ANO3: variants seen among roughly 807,000 people sequenced by gnomAD.
ANO3 encodes the protein anoctamin 3.
A neutral mutation model predicts 144.8 loss-of-function variants in ANO3; 99 were observed. The ratio of observed to expected loss-of-function variants is 0.68; its 90% CI spans 0.58 to 0.81. The LOEUF (loss-of-function observed/expected upper bound fraction) is 0.81, where lower values mean the gene tolerates loss of function less well. Among genes scored for constraint, ANO3 ranks in the 30% least tolerant of loss-of-function variants. The pLI is 0.00. For synonymous variants in ANO3, 414 were observed against 392.6 expected (o/e 1.05, Z -0.64); for missense variants, 905 against 1,202.2 (o/e 0.75, Z 3.66).
chr11:26,480,031 T>C (rs548235292), intron 4 of ANO3, among the ~76,000 whole-genome samples: 1 of 152,264 alleles, frequency 6.6e-6, no homozygotes, highest in East Asian at 1.9e-4. Context: ...GACTAGATTG[T>C]GCATGTGCAG....
intron 1 of ANO3, among the ~76,000 whole-genome samples, chr11:26,234,055 T>C (rs987358513): frequency 2.6e-5 from 4 of 152,176 alleles, no homozygotes; most frequent in African/African-American, 7.2e-5. Context: ...TGCATCTGTA[T>C]ACCTATGTAA....
chr11:26,624,527 T>C, intron 18 of ANO3, 29 bp downstream of exon 18: 1 of 1,552,810 alleles, frequency 6.4e-7, no homozygotes, highest in South Asian at 1.1e-5. Flanking sequence ...CTTCACTCCT[T>C]AGTCAGAAAA....
chr11:26,647,741 A>G lies in ANO3; in HGVS notation c.2461A>G (p.Ile821Val), dbSNP rs1204042819. 19 of 1,612,344 alleles carry G rather than the reference A, an allele frequency of 1.2e-5. No individual in the cohort carries two copies. Among genetic ancestry groups the G allele is most frequent in the Non-Finnish European group, 1.6e-5 (19 of 1,179,024 alleles). ...GCTTGGAATTCTCGAAGGAATCGGT[A>G]TATTGGCTGTGATCACCAATGCATT... The part of the protein sequence containing the change: ...IWLGILEGIG[I>V]LAVITNAFVI... The change falls in exon 24 of 27, where the codon ATA (isoleucine) becomes GTA (valine). Residue 821 changes from isoleucine to valine, a missense_variant. Coordinates refer to ENST00000256737, the MANE Select transcript of ANO3 (RefSeq NM_031418.4).
At position 26,559,835 on chromosome 11, in the gene ANO3, TACAC is replaced by T. The variant is rs71047866; in HGVS notation, c.1447+93_1447+96del. On this transcript the variant is annotated intron_variant, in intron 14 of 26. Transcript: ENST00000256737. The stretch of plus-strand genomic sequence containing the variant: ...TTATTTTCTGAAGCTGTTTCTGTGT[TACAC>T]ACACACACACACACACACACACACA... 0.16 allele frequency: 101,229 copies of T among 649,686 alleles called. 2,231 individuals carry two copies. Among genetic ancestry groups the T allele is most frequent in the Non-Finnish European group, 0.17 (61,358 of 362,306 alleles). The allele number at this position is 649,686 out of a possible 1,614,324, so 40.2% of individuals were successfully genotyped here.
chr11:26,619,087 C>T (rs1249533371), intron 17 of ANO3, among the ~76,000 whole-genome samples: 2 of 152,118 alleles, frequency 1.3e-5, no homozygotes, highest in South Asian at 2.1e-4. Context: ...CTGTAGCTTC[C>T]TCATTTTTGT....
Position 26,593,591 on chromosome 11 carries a change from G to A in ANO3, c.1448-4774G>A, listed in dbSNP as rs906040867. On this transcript the variant is annotated intron_variant, in intron 14 of 26. Transcript: ENST00000256737. ...CTGGCGCTTGCCCTGGGCACCCTCA[G>A]TCCTGCTGCTGGATCATCTGGTTAG... 5.3e-5 allele frequency among the ~76,000 whole-genome samples: 8 copies of A among 152,322 alleles called. No homozygotes were observed. In the East Asian group the frequency reaches 1.5e-3, roughly 29 times the overall value.
chr11:26,429,105 C>A (rs1408554953), intron 1 of ANO3, among the ~76,000 whole-genome samples: 1 of 152,034 alleles, frequency 6.6e-6, no homozygotes, highest in Non-Finnish European at 1.5e-5. Context: ...TGCTGGTAAG[C>A]GCAATTCATT....
chr11:26,552,883 A>G (rs187544069), intron 12 of ANO3, among the ~76,000 whole-genome samples: 147 of 152,188 alleles, frequency 9.7e-4, no homozygotes, highest in African/African-American at 2.9e-3. Context: ...ATTCCATCTC[A>G]GCCACTTCCA....
At chr11:26,290,362 C>A (rs1358291682) in intron 1 of ANO3, among the ~76,000 whole-genome samples, 1 of 152,136 alleles carries the variant, frequency 6.6e-6, no homozygotes, top group African/African-American at 2.4e-5. Context: ...AAAAAACCAG[C>A]TCCTGGATTC....
intron 1 of ANO3, among the ~76,000 whole-genome samples, chr11:26,358,882 G>T (rs894528000): frequency 1.3e-5 from 2 of 152,014 alleles, no homozygotes; most frequent in Admixed American, 6.6e-5. Context: ...CCAGTGTATG[G>T]TTTTTCTCAT....
chr11:26,385,638 A>G (rs1433611504), intron 1 of ANO3, among the ~76,000 whole-genome samples: 2 of 152,096 alleles, frequency 1.3e-5, no homozygotes, highest in Non-Finnish European at 2.9e-5. Context: ...GACTCTGCCT[A>G]TTAATGGGAC....
chr11:26,397,788 A>T (rs1037639501), intron 1 of ANO3, among the ~76,000 whole-genome samples: 1 of 152,066 alleles, frequency 6.6e-6, no homozygotes, highest in African/African-American at 2.4e-5. Flanking sequence ...AGAACACAAG[A>T]ACTGATTCTA....
intron 14 of ANO3, among the ~76,000 whole-genome samples, chr11:26,582,829 G>A (rs180948182): frequency 1.7e-4 from 26 of 152,236 alleles, no homozygotes; most frequent in Non-Finnish European, 3.7e-4. Flanking sequence ...GCTTACTCCT[G>A]TTATTTTTGT....
chr11:26,521,199 A>G (rs778964915), intron 6 of ANO3, among the ~76,000 whole-genome samples: 3 of 152,186 alleles, frequency 2.0e-5, no homozygotes, highest in Non-Finnish European at 4.4e-5. Context: ...TTGTTAGCAT[A>G]TTCAAGAACA....
At chr11:26,424,918 A>C (rs1407959951) in intron 1 of ANO3, among the ~76,000 whole-genome samples, 2 of 151,996 alleles carry the variant, frequency 1.3e-5, no homozygotes, top group Non-Finnish European at 2.9e-5. Context: ...TTTAAGTTCT[A>C]GGGTACATGT....
At chr11:26,619,479 T>A (rs58629434) in intron 17 of ANO3, among the ~76,000 whole-genome samples, 23,132 of 152,076 alleles carry the variant, frequency 0.15, 2,052 homozygotes, top group East Asian at 0.33. Flanking sequence ...TTATTTATTT[T>A]TTTTTATTTT....
At chr11:26,283,432 T>C (rs1853729818) in intron 1 of ANO3, among the ~76,000 whole-genome samples, 1 of 147,254 alleles carries the variant, frequency 6.8e-6, no homozygotes, top group African/African-American at 2.5e-5. Context: ...TGGGTTTATT[T>C]GCTTCACTGC....
chr11:26,200,883 TTACCTC>T (rs1247900613), intron 1 of ANO3, among the ~76,000 whole-genome samples: 11 of 152,122 alleles, frequency 7.2e-5, no homozygotes, highest in African/African-American at 2.7e-4. Context: ...CAAAACATAT[TTACCTC>T]TGAACCTTCC....
intron 4 of ANO3, among the ~76,000 whole-genome samples, chr11:26,465,439 A>G (rs1285825724): frequency 6.6e-6 from 1 of 151,776 alleles, no homozygotes; most frequent in African/African-American, 2.4e-5. Flanking sequence ...CACAAAAGTT[A>G]CTCATTTGCA....
Sources: allele counts gnomAD v4.1 joint callset (sites outside exome capture counted in the v4.1 genomes callset), GRCh38; gene constraint gnomAD v4.1.1; transcripts MANE v1.5; gene names NCBI Gene and HGNC (gene_info 2026-07-23, HGNC 2026-07-21).